The following LHFPL6 variants were observed in gnomAD, a reference collection of about 807,000 sequenced individuals.
LHFPL6 encodes LHFPL tetraspan subfamily member 6 protein.
LHFPL6 carries 9 observed loss-of-function variants against 20.6 expected under a neutral mutation model. That is an observed-to-expected ratio of 0.44 (90% confidence interval 0.26 to 0.76). The LOEUF (loss-of-function observed/expected upper bound fraction) is 0.76. Ranked by LOEUF, LHFPL6 falls within the 30% of genes least tolerant of loss-of-function variation. LHFPL6 has a pLI of 0.20. For synonymous variants in LHFPL6, 105 were observed against 98.7 expected (o/e 1.06, Z -0.38); for missense variants, 218 against 253.5 (o/e 0.86, Z 0.95).
intron 2 of LHFPL6, among the ~76,000 whole-genome samples, chr13:39,492,379 G>T (rs560243830): frequency 5.3e-4 from 81 of 152,192 alleles, no homozygotes; most frequent in Non-Finnish European, 1.1e-3. Flanking sequence ...ATAGCCAAAA[G>T]AATTTATACG....
In LHFPL6 at chr13:39,343,682, C is replaced by T. The variant is rs1266399440; in HGVS notation, c.*254G>A. On this transcript the variant is annotated 3_prime_UTR_variant, in exon 4 of 4. Transcript: ENST00000379589. ...TTAACAATACTCTGTGGAATAGAAA[C>T]ACCCGATGCCCTGCAATATTTTTAG... The T allele has an allele frequency of 5.0e-6, 2 of 398,174 alleles. No homozygotes were observed. The highest frequency in any genetic ancestry group is 4.0e-5 in the African/African-American group (2 of 49,498). 24.7% of individuals were successfully genotyped at this position (398,174 alleles called of 1,614,324 possible). A position where few individuals can be genotyped will look rare whatever the true frequency, so the allele number is the denominator to read the frequency against.
At chr13:39,598,952 C>T (rs1204656990) in intron 2 of LHFPL6, among the ~76,000 whole-genome samples, 2 of 152,150 alleles carry the variant, frequency 1.3e-5, no homozygotes, top group Admixed American at 1.3e-4. Flanking sequence ...AAACATGGTT[C>T]TTTAAAAATA....
chr13:39,407,787 C>A (rs534987469), intron 2 of LHFPL6, among the ~76,000 whole-genome samples: 1 of 152,282 alleles, frequency 6.6e-6, no homozygotes, highest in Non-Finnish European at 1.5e-5. Context: ...GAATTTATGA[C>A]CTGTCAACTT....
intron 3 of LHFPL6, among the ~76,000 whole-genome samples, chr13:39,349,247 T>C (rs1227146557): frequency 6.6e-6 from 1 of 152,198 alleles, no homozygotes; most frequent in Non-Finnish European, 1.5e-5. Context: ...GTTCTAGTAT[T>C]ACAAATTATA....
chr13:39,530,869 A>G (rs1870444529), intron 2 of LHFPL6, among the ~76,000 whole-genome samples: 1 of 151,872 alleles, frequency 6.6e-6, no homozygotes, highest in Non-Finnish European at 1.5e-5. Context: ...AACATCATGG[A>G]CAAAAAAAAA....
chr13:39,384,390 G>GA (rs542793380), intron 2 of LHFPL6, among the ~76,000 whole-genome samples: 1 of 152,288 alleles, frequency 6.6e-6, no homozygotes, highest in South Asian at 2.1e-4. Context: ...GGGGAGGACT[G>GA]AAGTCAACTA....
intron 2 of LHFPL6, among the ~76,000 whole-genome samples, chr13:39,588,987 T>C (rs1339499853): frequency 6.6e-6 from 1 of 152,218 alleles, no homozygotes; most frequent in Non-Finnish European, 1.5e-5. Flanking sequence ...ATTTGATTAT[T>C]AAAAATCTGA....
intron 2 of LHFPL6, among the ~76,000 whole-genome samples, chr13:39,463,619 T>C (rs949277016): frequency 2.2e-4 from 34 of 152,258 alleles, no homozygotes; most frequent in African/African-American, 7.7e-4. Flanking sequence ...CCACTGTAGG[T>C]GTAGAGGCTC....
intron 2 of LHFPL6, among the ~76,000 whole-genome samples, chr13:39,492,140 T>C (rs1221770000): frequency 1.3e-5 from 2 of 152,228 alleles, no homozygotes; most frequent in African/African-American, 4.8e-5. Flanking sequence ...AATGAGTTAA[T>C]GAATGAGTAC....
intron 2 of LHFPL6, among the ~76,000 whole-genome samples, chr13:39,382,092 G>A (rs1037453914): frequency 6.6e-6 from 1 of 152,132 alleles, no homozygotes; most frequent in African/African-American, 2.4e-5. Context: ...AAGGACTTAC[G>A]TATGGAAGTA....
chr13:39,365,251 G>T (rs538110270), intron 3 of LHFPL6, among the ~76,000 whole-genome samples: 16 of 152,270 alleles, frequency 1.1e-4, no homozygotes, highest in Non-Finnish European at 1.6e-4. Context: ...ATGTGAAGAG[G>T]TGCTGCATTT....
chr13:39,372,445 AAAAG>A (rs199542631), intron 3 of LHFPL6, among the ~76,000 whole-genome samples: 2,311 of 152,320 alleles, frequency 0.015, 22 homozygotes, highest in Non-Finnish European at 0.024. Flanking sequence ...TTTAAACCGC[AAAAG>A]AAAGAATTAT....
intron 3 of LHFPL6, among the ~76,000 whole-genome samples, chr13:39,368,408 C>G (rs1279851500): frequency 6.6e-6 from 1 of 152,074 alleles, no homozygotes; most frequent in South Asian, 2.1e-4. Context: ...ATGGTGAAAC[C>G]CTGTCTCTAT....
At chr13:39,352,972 C>CACATATATATATATAT (rs1555257725) in intron 3 of LHFPL6, among the ~76,000 whole-genome samples, 7 of 69,132 alleles carry the variant, frequency 1.0e-4, no homozygotes, top group Non-Finnish European at 1.7e-4. Context: ...CACACACACA[C>CACATATATATATATAT]ATATATATAT....
intron 2 of LHFPL6, among the ~76,000 whole-genome samples, chr13:39,459,798 G>C (rs1872649994): frequency 6.6e-6 from 1 of 152,040 alleles, no homozygotes; most frequent in Non-Finnish European, 1.5e-5. Flanking sequence ...AATCATTTGT[G>C]GCAACAACAA....
At chr13:39,558,063 A>G (rs1871362521) in intron 2 of LHFPL6, among the ~76,000 whole-genome samples, 1 of 152,180 alleles carries the variant, frequency 6.6e-6, no homozygotes, top group Non-Finnish European at 1.5e-5. Context: ...TGAGCCAATT[A>G]AACCTCTCTT....
At chr13:39,360,262 G>A (rs55874275) in intron 3 of LHFPL6, among the ~76,000 whole-genome samples, 10,217 of 96,846 alleles carry the variant, frequency 0.11, 3,406 homozygotes, top group East Asian at 0.27. Context: ...CTCGTGATCC[G>A]CCTGCCTCAG....
intron 2 of LHFPL6, among the ~76,000 whole-genome samples, chr13:39,478,717 C>A (rs577296469): frequency 6.6e-6 from 1 of 151,828 alleles, no homozygotes; most frequent in East Asian, 1.9e-4. Flanking sequence ...ATAAGTAATT[C>A]ACCCCTCTTG....
intron 2 of LHFPL6, among the ~76,000 whole-genome samples, chr13:39,473,629 C>G (rs1014126055): frequency 6.6e-6 from 1 of 152,078 alleles, no homozygotes; most frequent in Non-Finnish European, 1.5e-5. Flanking sequence ...TTCTTTCTTT[C>G]GGATACATTG....
Sources: gnomAD v4.1 joint callset for allele counts (sites outside exome capture counted in the v4.1 genomes callset) on GRCh38, gnomAD v4.1.1 for gene constraint, MANE v1.5 for transcripts, NCBI Gene and HGNC (gene_info 2026-07-23, HGNC 2026-07-21) for gene names.